The following DBT variants were observed in gnomAD, a reference collection of about 807,000 sequenced individuals.
The protein encoded by DBT is dihydrolipoamide branched chain transacylase E2, also known as lipoamide acyltransferase component of branched-chain alpha-keto acid dehydrogenase complex, mitochondrial.
Under a neutral mutation model 51.3 loss-of-function variants are expected in DBT, and 40 were observed. The ratio of observed to expected loss-of-function variants is 0.78; its 90% CI spans 0.61 to 1.02. The LOEUF (loss-of-function observed/expected upper bound fraction) is 1.02. Ranked by LOEUF, DBT falls within the 50% of genes least tolerant of loss-of-function variation. The pLI is 0.00. For synonymous variants in DBT, 181 were observed against 190.4 expected, an observed-to-expected ratio of 0.95 and a Z score of 0.41; for missense variants, 510 against 580.2, an observed-to-expected ratio of 0.88 and a Z score of 1.24.
At chr1:100,231,570 A>G (rs72973796) in intron 3 of DBT, among the ~76,000 whole-genome samples, 170 of 152,310 alleles carry the variant, frequency 1.1e-3, no homozygotes, top group African/African-American at 4.0e-3. Flanking sequence ...ATTGCCAGCA[A>G]CAGATAATTG....
intron 4 of DBT, among the ~76,000 whole-genome samples, chr1:100,221,615 A>T (rs542789520): frequency 1.4e-4 from 22 of 152,340 alleles, no homozygotes; most frequent in African/African-American, 5.0e-4. Flanking sequence ...CTAGCATCAC[A>T]GTCTAATATG....
chr1:100,222,298 T>A (rs937435931), intron 4 of DBT, among the ~76,000 whole-genome samples: 1 of 152,208 alleles, frequency 6.6e-6, no homozygotes, highest in African/African-American at 2.4e-5. Flanking sequence ...ATACTAATCC[T>A]GGTAAACATT....
At chr1:100,225,893 G>A (rs1485110348) in intron 4 of DBT, among the ~76,000 whole-genome samples, 1 of 150,770 alleles carries the variant, frequency 6.6e-6, no homozygotes, top group Non-Finnish European at 1.5e-5. Flanking sequence ...TAACTACTTG[G>A]GAAGCTAAGG....
intron 7 of DBT, chr1:100,213,440 C>A (rs1662282346): frequency 6.4e-7 from 1 of 1,569,608 alleles, no homozygotes; most frequent in Non-Finnish European, 8.8e-7. Context: ...CACACGGACA[C>A]CCACCCACCA....
At position 100,249,780 on chromosome 1, in the gene DBT, G is replaced by C. The variant is rs1664806823; in HGVS notation, c.41C>G (p.Ala14Gly). 6.2e-7 allele frequency: 1 copy of C among 1,613,938 alleles called. No individual in the cohort carries two copies. The highest frequency in any genetic ancestry group is 1.7e-5 in the Admixed American group (1 of 60,000). The change falls in exon 1 of 11, where the codon GCG becomes GGG. Residue 14 changes from alanine (A) to glycine (G), a missense_variant. Physicochemically the swap from Ala to Gly is moderately conservative, Grantham distance 60. Coordinates refer to ENST00000370132, the MANE Select transcript of DBT (RefSeq NM_001918.5). The part of the protein sequence containing the change: ...VRMLRTWSRN[A>G]GKLICVRYFQ... ...CCCAAACGTGCTTACCAGCTTCCCC[G>C]CATTCCTGCTCCAGGTTCTCAGCAT...
intron 1 of DBT, among the ~76,000 whole-genome samples, chr1:100,247,451 C>T (rs374802361): frequency 2.6e-4 from 39 of 152,286 alleles, no homozygotes; most frequent in African/African-American, 8.7e-4. Flanking sequence ...GTAATCCCAG[C>T]ACTTTGGGAG....
rs750594890 is a variant in DBT, at chr1:100,196,319, C to T, written c.1385G>A (p.Arg462His). The T allele has an allele frequency of 9.3e-6, 15 of 1,610,342 alleles. No individual in the cohort carries two copies. Among genetic ancestry groups the T allele is most frequent in the Admixed American group, 5.1e-5 (3 of 59,234 alleles). ...ATAGGATTTCCACAAATTGGAGAAG[C>T]GTGACATTGTAGCACCATCAATAAC... ...HRVIDGATMS[R>H]FSNLWKSYLE... Residue 462 changes from arginine to histidine, a missense_variant, in exon 11 of 11, where the codon CGC becomes CAC. Physicochemically the swap from Arg to His is conservative, Grantham distance 29. Coordinates refer to ENST00000370132, the MANE Select transcript of DBT (RefSeq NM_001918.5).
chr1:100,224,422 C>T (rs530021978), intron 4 of DBT, among the ~76,000 whole-genome samples: 1 of 152,166 alleles, frequency 6.6e-6, no homozygotes, highest in Non-Finnish European at 1.5e-5. Context: ...TTTCTATAGG[C>T]CTGCTTATTT....
chr1:100,249,379 C>T, intron 1 of DBT: 1 of 348,316 alleles, frequency 2.9e-6, no homozygotes, highest in South Asian at 2.5e-5. Context: ...CTGTAGATTC[C>T]TTGAGGGTAG....
At chr1:100,248,282 A>G (rs1053729412) in intron 1 of DBT, among the ~76,000 whole-genome samples, 3 of 152,214 alleles carry the variant, frequency 2.0e-5, no homozygotes, top group Non-Finnish European at 4.4e-5. Context: ...ATGAACTACT[A>G]GGGAAATGAC....
chr1:100,226,354 G>A (rs1218123857), intron 4 of DBT, among the ~76,000 whole-genome samples: 2 of 140,854 alleles, frequency 1.4e-5, no homozygotes, highest in Non-Finnish European at 3.0e-5. Context: ...CATTAACACA[G>A]CTCACTGCAG....
intron 2 of DBT, among the ~76,000 whole-genome samples, chr1:100,237,663 G>C (rs1349527055): frequency 6.6e-6 from 1 of 152,066 alleles, no homozygotes; most frequent in Admixed American, 6.6e-5. Context: ...TTTAGAGACA[G>C]GGTCTCACTC....
At chr1:100,215,378 A>T (rs1316578075) in intron 6 of DBT, among the ~76,000 whole-genome samples, 1 of 152,242 alleles carries the variant, frequency 6.6e-6, no homozygotes, top group Non-Finnish European at 1.5e-5. Context: ...CAAATAGTGA[A>T]TGTTTAAAAT....
intron 2 of DBT, among the ~76,000 whole-genome samples, chr1:100,236,440 TATAA>T (rs1309460166): frequency 2.0e-5 from 3 of 152,210 alleles, no homozygotes; most frequent in Non-Finnish European, 4.4e-5. Context: ...CATATTTGCT[TATAA>T]AACATATAAC....
chr1:100,246,229 G>A (rs1323337674), intron 1 of DBT, among the ~76,000 whole-genome samples: 1 of 152,162 alleles, frequency 6.6e-6, no homozygotes, highest in Non-Finnish European at 1.5e-5. Context: ...CTGCACTCCA[G>A]CCTGGTGACA....
chr1:100,234,242 T>C (rs1433793462), intron 3 of DBT, among the ~76,000 whole-genome samples: 3 of 152,198 alleles, frequency 2.0e-5, no homozygotes, highest in Non-Finnish European at 2.9e-5. Flanking sequence ...TAGAATTTTA[T>C]TAGGAATAAA....
At chr1:100,223,398 G>A (rs915661354) in intron 4 of DBT, among the ~76,000 whole-genome samples, 12 of 152,134 alleles carry the variant, frequency 7.9e-5, no homozygotes, top group Non-Finnish European at 1.8e-4. Flanking sequence ...TTGAGACAGG[G>A]TTTCCTCTGT....
In DBT at chr1:100,206,461, A is replaced by G; in HGVS notation, c.1193T>C (p.Leu398Pro). The G allele has an allele frequency of 6.2e-7, 1 of 1,613,206 alleles. No homozygotes were observed. The highest frequency in any genetic ancestry group is 8.5e-7 in the Non-Finnish European group (1 of 1,179,174). Residue 398 changes from leucine to proline, a missense_variant, in exon 9 of 11, where the codon CTT (leucine) becomes CCT (proline). Physicochemically the swap from Leu to Pro is moderately conservative, Grantham distance 98 (BLOSUM62 -3). Transcript: ENST00000370132. ...ATTACTCACTGATCCAATGTTGGAA[A>G]GAGTAAATGTTCCTCCTGTAAGATC... The part of the protein sequence containing the change: ...TTDLTGGTFT[L>P]SNIGSIGGTF...
chr1:100,237,262 C>T (rs913517050), intron 2 of DBT, among the ~76,000 whole-genome samples: 2 of 152,184 alleles, frequency 1.3e-5, no homozygotes, highest in Non-Finnish European at 2.9e-5. Context: ...GGAAACCCAG[C>T]ATGAATGGTC....
Sources: gnomAD v4.1 joint callset for allele counts (sites outside exome capture counted in the v4.1 genomes callset) on GRCh38, gnomAD v4.1.1 for gene constraint, MANE v1.5 for transcripts, NCBI Gene and HGNC (gene_info 2026-07-23, HGNC 2026-07-21) for gene names.